ATP8A2: variants seen among roughly 807,000 people sequenced by gnomAD.
ATP8A2 encodes the protein phospholipid-transporting ATPase IB.
Under a neutral mutation model 165.6 loss-of-function variants are expected in ATP8A2, and 100 were observed. The ratio of observed to expected loss-of-function variants is 0.60; its 90% CI spans 0.51 to 0.71. The LOEUF is 0.71. ATP8A2 is among the 30% of genes least tolerant of loss of function. The pLI is 0.00. For synonymous variants in ATP8A2, 543 were observed against 548.8 expected, an observed-to-expected ratio of 0.99 and a Z score of 0.15; for missense variants, 1,227 against 1,479.5, an observed-to-expected ratio of 0.83 and a Z score of 2.80.
In ATP8A2 at chr13:25,613,262, GA is replaced by G. The variant is rs2040735677; in HGVS notation, c.2211+23564del. 2.0e-5 allele frequency among the ~76,000 whole-genome samples: 3 copies of G among 152,244 alleles called. No individual in the cohort carries two copies. The South Asian group carries it at 6.2e-4, about 32-fold the overall frequency. On this transcript the variant is annotated intron_variant, in intron 24 of 36. Transcript: ENST00000381655. ...AGGTTCTATTTTGTTGTATTTTGAG[GA>G]TTTGTTTTAAGATTTAGAGCTTCTT...
At chr13:25,718,422 G>A (rs1158179570) in intron 25 of ATP8A2, among the ~76,000 whole-genome samples, 2 of 151,972 alleles carry the variant, frequency 1.3e-5, no homozygotes, top group African/African-American at 2.4e-5. Flanking sequence ...GGTATTCTGA[G>A]TCTCTTGGTT....
intron 25 of ATP8A2, among the ~76,000 whole-genome samples, chr13:25,713,879 G>C (rs576597405): frequency 6.6e-6 from 1 of 152,260 alleles, no homozygotes; most frequent in Admixed American, 6.5e-5. Context: ...GTGAGACTCA[G>C]GGCCTGGGAG....
intron 1 of ATP8A2, among the ~76,000 whole-genome samples, chr13:25,438,286 A>G (rs1267882617): frequency 2.0e-5 from 3 of 152,196 alleles, no homozygotes; most frequent in Non-Finnish European, 2.9e-5. Context: ...ACCATTCATG[A>G]TGATTTCCAT....
Position 25,553,929 on chromosome 13 carries a change from T to C in ATP8A2, c.1185+9T>C, listed in dbSNP as rs1345388782. ...CCCTTTTCATAAACTGGGTGAGTAT[T>C]AAAGCAGAGTTGAATCACTATTTTC... On this transcript the variant is annotated intron_variant, in intron 12 of 36. Coordinates refer to ENST00000381655, the MANE Select transcript of ATP8A2 (RefSeq NM_016529.6). 1 of 1,607,976 alleles carries C rather than the reference T, an allele frequency of 6.2e-7. No homozygotes were observed. Among genetic ancestry groups the C allele is most frequent in the African/African-American group, 1.3e-5 (1 of 74,652 alleles).
At chr13:25,505,196 G>T (rs983462477) in intron 2 of ATP8A2, among the ~76,000 whole-genome samples, 6 of 138,472 alleles carry the variant, frequency 4.3e-5, no homozygotes, top group African/African-American at 1.4e-4. Flanking sequence ...TGTTTTTTCG[G>T]CGGGGCGGGG....
intron 24 of ATP8A2, among the ~76,000 whole-genome samples, chr13:25,679,874 G>A (rs2137799803): frequency 6.6e-6 from 1 of 151,532 alleles, no homozygotes; most frequent in South Asian, 2.1e-4. Flanking sequence ...TTGCGGATTA[G>A]GAAAAATAGG....
chr13:25,809,623 C>T (rs147435225), intron 27 of ATP8A2, among the ~76,000 whole-genome samples: 15 of 152,166 alleles, frequency 9.9e-5, no homozygotes, highest in East Asian at 7.8e-4. Flanking sequence ...TGCTTTGCTC[C>T]CAAATGTTCT....
intron 33 of ATP8A2, among the ~76,000 whole-genome samples, chr13:25,951,434 G>T (rs1352821375): frequency 6.6e-6 from 1 of 152,190 alleles, no homozygotes; most frequent in Non-Finnish European, 1.5e-5. Context: ...TTGAGAACAG[G>T]CAAAACTTAG....
chr13:25,836,350 T>A (rs1951606406), intron 28 of ATP8A2, among the ~76,000 whole-genome samples: 1 of 152,136 alleles, frequency 6.6e-6, no homozygotes, highest in Non-Finnish European at 1.5e-5. Context: ...GTTCAACACC[T>A]CCAAACAGGC....
chr13:25,512,616 G>C (rs2037275227), intron 2 of ATP8A2, among the ~76,000 whole-genome samples: 1 of 147,500 alleles, frequency 6.8e-6, no homozygotes, highest in Non-Finnish European at 1.5e-5. Flanking sequence ...TCCCGGACGG[G>C]GAGGCTGGCT....
intron 24 of ATP8A2, among the ~76,000 whole-genome samples, chr13:25,686,989 A>T (rs1006635519): frequency 1.3e-5 from 2 of 152,140 alleles, no homozygotes; most frequent in African/African-American, 2.4e-5. Context: ...TCGATGTTTC[A>T]TGACTGCTTA....
intron 24 of ATP8A2, among the ~76,000 whole-genome samples, chr13:25,594,325 CAAT>C (rs2040173694): frequency 6.6e-6 from 1 of 152,062 alleles, no homozygotes; most frequent in South Asian, 2.1e-4. Flanking sequence ...TTTCCTGCTG[CAAT>C]AATATAGAGA....
intron 26 of ATP8A2, among the ~76,000 whole-genome samples, chr13:25,771,532 G>T (rs1247687628): frequency 6.6e-6 from 1 of 152,136 alleles, no homozygotes; most frequent in Non-Finnish European, 1.5e-5. Context: ...CTGCTTTACT[G>T]GAACTGCATA....
At chr13:25,739,533 CT>C (rs1330347425) in intron 25 of ATP8A2, among the ~76,000 whole-genome samples, 1 of 151,582 alleles carries the variant, frequency 6.6e-6, no homozygotes, top group Non-Finnish European at 1.5e-5. Context: ...ATTTTTTAGC[CT>C]GTTCTATTGC....
intron 26 of ATP8A2, among the ~76,000 whole-genome samples, chr13:25,770,757 C>T (rs1025113708): frequency 6.6e-6 from 1 of 152,126 alleles, no homozygotes; most frequent in African/African-American, 2.4e-5. Context: ...CTCCAGATTG[C>T]GATACATCAT....
At chr13:25,719,580 G>A (rs2043329801) in intron 25 of ATP8A2, among the ~76,000 whole-genome samples, 1 of 152,162 alleles carries the variant, frequency 6.6e-6, no homozygotes, top group South Asian at 2.1e-4. Context: ...TTAAGCTGTT[G>A]TTATTTTGAG....
At chr13:25,507,964 A>G (rs559597654) in intron 2 of ATP8A2, among the ~76,000 whole-genome samples, 2 of 152,338 alleles carry the variant, frequency 1.3e-5, no homozygotes, top group South Asian at 4.1e-4. Context: ...TGGGCAAAGT[A>G]TATGAGGAGA....
At chr13:25,673,202 A>G (rs929763823) in intron 24 of ATP8A2, among the ~76,000 whole-genome samples, 3 of 152,186 alleles carry the variant, frequency 2.0e-5, no homozygotes, top group African/African-American at 7.2e-5. Flanking sequence ...TCCGCCTCTC[A>G]CTGTTCCTGT....
At chr13:25,944,864 A>G (rs9507604) in intron 33 of ATP8A2, 58,452 of 151,980 alleles carry the variant, frequency 0.38, 11,607 homozygotes, top group African/African-American at 0.49. Context: ...ATCCTGAGGT[A>G]GTCTCTTACT....
Sources: allele counts gnomAD v4.1 joint callset (sites outside exome capture counted in the v4.1 genomes callset), GRCh38; gene constraint gnomAD v4.1.1; transcripts MANE v1.5; gene names NCBI Gene and HGNC (gene_info 2026-07-23, HGNC 2026-07-21).